The following INTS9 variants were observed in gnomAD, a reference collection of about 807,000 sequenced individuals.
INTS9 encodes the protein protein related to CPSF subunits of 74 kDa.
A neutral mutation model predicts 79.7 loss-of-function variants in INTS9; 55 were observed. The ratio of observed to expected loss-of-function variants is 0.69; its 90% CI spans 0.56 to 0.86. The LOEUF (loss-of-function observed/expected upper bound fraction) is 0.86. Ranked by LOEUF, INTS9 falls within the 40% of genes least tolerant of loss-of-function variation. The pLI is 0.00. For missense variants in INTS9, 721 were observed against 831.5 expected (o/e 0.87, Z 1.64); for synonymous variants, 319 against 325.2 (o/e 0.98, Z 0.20).
At chr8:28,844,405 T>A (rs943952704) in intron 4 of INTS9, among the ~76,000 whole-genome samples, 3 of 152,006 alleles carry the variant, frequency 2.0e-5, no homozygotes, top group Non-Finnish European at 4.4e-5. Context: ...CAGGGTGTGG[T>A]TGTGTGCACC....
chr8:28,802,584 G>A (rs1804582122), intron 8 of INTS9, among the ~76,000 whole-genome samples: 2 of 152,170 alleles, frequency 1.3e-5, no homozygotes, highest in African/African-American at 4.8e-5. Flanking sequence ...TGTTGGTGCT[G>A]GAGAGTCTTC....
chr8:28,805,007 C>T (rs1214640737), intron 8 of INTS9, among the ~76,000 whole-genome samples: 1 of 152,010 alleles, frequency 6.6e-6, no homozygotes, highest in Admixed American at 6.6e-5. Context: ...GTGTCAGTAT[C>T]TATAATACTA....
intron 4 of INTS9, among the ~76,000 whole-genome samples, chr8:28,838,146 T>C (rs1177693001): frequency 6.6e-6 from 1 of 151,756 alleles, no homozygotes; most frequent in East Asian, 1.9e-4. Flanking sequence ...AAGCACACAC[T>C]AGAACATAAC....
intron 6 of INTS9, among the ~76,000 whole-genome samples, chr8:28,828,133 G>A (rs1282162011): frequency 2.6e-5 from 4 of 152,204 alleles, no homozygotes; most frequent in African/African-American, 7.2e-5. Flanking sequence ...TCTAACACAA[G>A]TGGACTTAGA....
intron 6 of INTS9, among the ~76,000 whole-genome samples, chr8:28,827,172 A>G (rs1203795904): frequency 1.3e-5 from 2 of 152,320 alleles, no homozygotes; most frequent in East Asian, 3.9e-4. Context: ...TGGCTTTCTA[A>G]TTTATCAAAG....
chr8:28,809,931 A>G (rs1349013703), intron 8 of INTS9, among the ~76,000 whole-genome samples: 8 of 152,246 alleles, frequency 5.3e-5, no homozygotes, highest in Non-Finnish European at 1.0e-4. Flanking sequence ...GTTCAACACT[A>G]GAGCACAGCA....
intron 14 of INTS9, among the ~76,000 whole-genome samples, chr8:28,772,196 T>C (rs946328004): frequency 6.6e-6 from 1 of 152,172 alleles, no homozygotes; most frequent in Admixed American, 6.5e-5. Context: ...CTGTAGCAAG[T>C]TGGATTGAGA....
intron 1 of INTS9, among the ~76,000 whole-genome samples, chr8:28,865,685 C>T (rs968588099): frequency 6.6e-6 from 1 of 152,032 alleles, no homozygotes; most frequent in African/African-American, 2.4e-5. Flanking sequence ...GTGTTTTAAG[C>T]TGCTATTAAA....
chr8:28,839,349 A>G (rs959953625), intron 4 of INTS9, among the ~76,000 whole-genome samples: 1 of 152,072 alleles, frequency 6.6e-6, no homozygotes. Context: ...CAATATCATG[A>G]AAATGGCCAT....
At chr8:28,868,893 G>A (rs904753982) in intron 1 of INTS9, among the ~76,000 whole-genome samples, 9 of 152,134 alleles carry the variant, frequency 5.9e-5, no homozygotes, top group African/African-American at 2.2e-4. Flanking sequence ...CAGGCCAGGA[G>A]TTCAAGACCA....
chr8:28,841,823 T>C (rs895410111), intron 4 of INTS9, among the ~76,000 whole-genome samples: 5 of 152,216 alleles, frequency 3.3e-5, no homozygotes, highest in African/African-American at 1.2e-4. Context: ...TGGTGGCTCA[T>C]GCCTGTAATC....
chr8:28,871,685 T>C (rs958187197), intron 1 of INTS9, among the ~76,000 whole-genome samples: 1 of 152,058 alleles, frequency 6.6e-6, no homozygotes, highest in Non-Finnish European at 1.5e-5. Flanking sequence ...GGATTACAGG[T>C]GTGAGCCATC....
Position 28,833,857 on chromosome 8 carries a change from G to A in INTS9, c.488+1435C>T, listed in dbSNP as rs559459830. 1.3e-4 allele frequency among the ~76,000 whole-genome samples: 20 copies of A among 152,160 alleles called. No individual in the cohort carries two copies. The East Asian group carries it at 3.3e-3, about 25-fold the overall frequency. On this transcript the variant is annotated intron_variant, in intron 6 of 16. Transcript: ENST00000521022. ...ATTTAAATAAGAGATCATGGAAGTG[G>A]AATCAAGCTGCTGCTTCTACCATGT...
chr8:28,793,781 A>AC lies in INTS9; in HGVS notation c.1037+25_1037+26insG, dbSNP rs747161214. 784 of 1,338,266 alleles carry AC rather than the reference A, an allele frequency of 5.9e-4. 3 individuals are homozygous for AC. In the African/African-American group the frequency reaches 7.2e-3, roughly 12 times the overall value. 82.9% of individuals were successfully genotyped at this position (1,338,266 alleles called of 1,614,324 possible). On this transcript the variant is annotated intron_variant, in intron 10 of 16. Coordinates refer to ENST00000521022, the MANE Select transcript of INTS9 (RefSeq NM_018250.4). ...TGTCCTGAATCAAATAAAATTCACA[A>AC]AAAAAAAAAAAAACCACGGACATAC...
intron 6 of INTS9, among the ~76,000 whole-genome samples, chr8:28,829,320 C>T (rs1264074076): frequency 6.6e-6 from 1 of 152,096 alleles, no homozygotes; most frequent in African/African-American, 2.4e-5. Context: ...TTTTCCTTCC[C>T]TTCAAAATCC....
intron 4 of INTS9, among the ~76,000 whole-genome samples, chr8:28,841,572 A>C (rs1807186913): frequency 6.6e-6 from 1 of 152,142 alleles, no homozygotes; most frequent in Non-Finnish European, 1.5e-5. Context: ...TTAACATCCA[A>C]ACCACATTTA....
chr8:28,770,684 C>T (rs1802477086), intron 15 of INTS9, among the ~76,000 whole-genome samples: 1 of 152,238 alleles, frequency 6.6e-6, no homozygotes, highest in Admixed American at 6.5e-5. Flanking sequence ...TAGCCACAGC[C>T]TCACGCAGGT....
At chr8:28,875,709 T>C (rs970987652) in intron 1 of INTS9, among the ~76,000 whole-genome samples, 3 of 151,172 alleles carry the variant, frequency 2.0e-5, no homozygotes, top group Middle Eastern at 3.4e-3. Context: ...AGGTCCCCAC[T>C]GCCTGTATCA....
At chr8:28,832,041 C>A (rs181871860) in intron 6 of INTS9, among the ~76,000 whole-genome samples, 1 of 152,096 alleles carries the variant, frequency 6.6e-6, no homozygotes, top group African/African-American at 2.4e-5. Context: ...TTGTGGTGTG[C>A]CAAAATTATT....
Sources: gnomAD v4.1 joint callset for allele counts (sites outside exome capture counted in the v4.1 genomes callset) on GRCh38, gnomAD v4.1.1 for gene constraint, MANE v1.5 for transcripts, NCBI Gene and HGNC (gene_info 2026-07-23, HGNC 2026-07-21) for gene names.